PINK1: variants seen among roughly 807,000 people sequenced by gnomAD.
PINK1 encodes serine/threonine-protein kinase PINK1, mitochondrial.
Under a neutral mutation model 56.0 loss-of-function variants are expected in PINK1, and 58 were observed. The observed-to-expected ratio is 1.04, with a 90% CI of 0.84 to 1.29. The LOEUF (loss-of-function observed/expected upper bound fraction) is 1.29, where lower values mean the gene tolerates loss of function less well. Ranked by LOEUF, PINK1 falls within the 50% of genes most tolerant of loss-of-function variation. PINK1 has a pLI of 0.00. For synonymous variants in PINK1, 354 were observed against 339.3 expected (o/e 1.04, Z -0.48); for missense variants, 745 against 777.9 (o/e 0.96, Z 0.50).
chr1:20,643,199 G>A (rs2053135702), intron 3 of PINK1: 1 of 152,300 alleles, frequency 6.6e-6, no homozygotes. Context: ...TGGGTCTCGA[G>A]TGTCACTGTA....
chr1:20,634,815 C>A (rs1223755882), intron 1 of PINK1, among the ~76,000 whole-genome samples: 1 of 152,122 alleles, frequency 6.6e-6, no homozygotes, highest in Non-Finnish European at 1.5e-5. Flanking sequence ...ATTAGCATAG[C>A]CCCTGCATTT....
At position 20,649,220 on chromosome 1, in the gene PINK1, G is replaced by A; in HGVS notation, c.1477G>A (p.Glu493Lys). 1 of 1,614,076 alleles carries A rather than the reference G, an allele frequency of 6.2e-7. No homozygotes were observed. The highest frequency in any genetic ancestry group is 8.5e-7 in the Non-Finnish European group (1 of 1,179,962). The part of the protein sequence containing the change: ...RQLVRALLQR[E>K]ASKRPSARVA... ...GTTGGTGAGGGCACTGCTCCAGCGA[G>A]AGGCCAGCAAGGTGAGGCTGTCCCC... Residue 493 changes from glutamate to lysine, a missense_variant, in exon 7 of 8, where the codon GAG becomes AAG. Physicochemically the swap from Glu to Lys is moderately conservative, Grantham distance 56. Coordinates refer to ENST00000321556, the MANE Select transcript of PINK1 (RefSeq NM_032409.3).
intron 7 of PINK1, 90 bp downstream of exon 7, chr1:20,649,321 A>G (rs192015380): frequency 7.5e-7 from 1 of 1,336,832 alleles, no homozygotes; most frequent in East Asian, 2.3e-5. Context: ...CCAGAGCCAC[A>G]GTGACAGATC....
rs747400197 is a variant in PINK1, at chr1:20,649,095, A to G, written c.1352A>G (p.Asn451Ser). The G allele has an allele frequency of 2.4e-5, 39 of 1,614,104 alleles. No homozygotes were observed. Among genetic ancestry groups the G allele is most frequent in the Admixed American group, 5.0e-5 (3 of 60,014 alleles). The change falls in exon 7 of 8, where the codon AAT (asparagine) becomes AGT (serine). Residue 451 changes from asparagine (N) to serine (S), a missense_variant. Asn to Ser is a conservative substitution (Grantham distance 46). Coordinates refer to ENST00000321556, the MANE Select transcript of PINK1 (RefSeq NM_032409.3). ...GCCTATGAAATCTTCGGGCTTGTCA[A>G]TCCCTTCTACGGCCAGGGCAAGGCC... ...AIAYEIFGLV[N>S]PFYGQGKAHL...
rs144765017 is a variant in PINK1, at chr1:20,638,179, T to C, written c.675+50T>C. ...AAAGGAGATGTTCTCAAAATGCCCA[T>C]CTTAGTGGGCCTGGTGAGGATTTTT... On this transcript the variant is annotated intron_variant, in intron 2 of 7. Transcript: ENST00000321556. 1.2e-3 allele frequency: 1,944 copies of C among 1,584,486 alleles called. 27 individuals are homozygous for C. In the African/African-American group the frequency reaches 0.022, roughly 18 times the overall value.
chr1:20,633,845 A>G lies in PINK1; in HGVS notation c.297A>G (p.Ala99=), dbSNP rs1248695432. Residue 99 remains alanine (A), a synonymous_variant, in exon 1 of 8, where the codon GCA becomes GCG. Transcript: ENST00000321556. ...GCTGCGCGGGCCCTTGCGGCCGGGC[A>G]GTCTTTCTGGCCTTCGGGCTAGGGC... is the stretch of plus-strand genomic sequence containing the variant. ...AWGCAGPCGR[A]VFLAFGLGLG... 5 of 1,578,822 alleles carry G rather than the reference A, an allele frequency of 3.2e-6. No homozygotes were observed. In the African/African-American group the frequency reaches 6.7e-5, roughly 21 times the overall value.
chr1:20,648,687 G>A (rs940470863), intron 6 of PINK1, 55 bp downstream of exon 6: 2 of 1,605,190 alleles, frequency 1.2e-6, no homozygotes, highest in Non-Finnish European at 1.7e-6. Flanking sequence ...CATGTCCACT[G>A]AATGCAGGAG....
At chr1:20,650,316 A>AG (rs2053250065) in intron 7 of PINK1, 118 bp from the exon 8 acceptor site, 2 of 1,332,584 alleles carry the variant, frequency 1.5e-6, no homozygotes, top group African/African-American at 2.9e-5. Context: ...AGTAGGAGAT[A>AG]GGGTAGAGGA....
At chr1:20,640,127 T>C in intron 3 of PINK1, 135 bp downstream of exon 3, 1 of 790,970 alleles carries the variant, frequency 1.3e-6, no homozygotes, top group Admixed American at 2.0e-5. Context: ...TGATGGATTT[T>C]CAGTTAGTGG....
At chr1:20,645,927 C>A (rs929612609) in intron 5 of PINK1, among the ~76,000 whole-genome samples, 1 of 151,928 alleles carries the variant, frequency 6.6e-6, no homozygotes, top group African/African-American at 2.4e-5. Flanking sequence ...TTCCCAAGTT[C>A]CTTTCTCTAG....
rs1005427816 is a variant in PINK1 at position 20,648,886 on chromosome 1, G to C, written c.1252-109G>C. 58 of 1,363,390 alleles carry C rather than the reference G, an allele frequency of 4.3e-5. No individual in the cohort carries two copies. In the African/African-American group the frequency reaches 6.3e-4, roughly 15 times the overall value. 84.5% of individuals were successfully genotyped at this position (1,363,390 alleles called of 1,614,324 possible). A position where few individuals can be genotyped will look rare whatever the true frequency, so the allele number is the denominator to read the frequency against. ...CTGAGCCACAGCTCACTCAAGCTCT[G>C]GGTTCCTTGGGACAGAGTTCAGATT... On this transcript the variant is annotated intron_variant, in intron 6 of 7. Transcript: ENST00000321556.
At position 20,641,049 on chromosome 1, in the gene PINK1, G is replaced by C. The variant is rs1013753082; in HGVS notation, c.776+1057G>C. 2.0e-5 allele frequency among the ~76,000 whole-genome samples: 3 copies of C among 152,040 alleles called. No homozygotes were observed. Among genetic ancestry groups the C allele is most frequent in the Admixed American group, 2.0e-4 (3 of 15,258 alleles). ...AGTGAGACCCTGTCTCTCATTTGTA[G>C]ACCCACCAAGAAGAGGTGGGTCTGC... On this transcript the variant is annotated intron_variant, in intron 3 of 7. Transcript: ENST00000321556. The surrounding 1 kb of genome is among the most constrained non-coding windows in gnomAD (Gnocchi z 4.0).
chr1:20,633,941 CG>C lies in PINK1; in HGVS notation c.387+10del. On this transcript the variant is annotated splice_region_variant and intron_variant, in intron 1 of 7. Transcript: ENST00000321556. ...CGGCCTGTCAGGAGATCCAGGTGAGCGGGGCCGGGTCCTAAGCCGAGCGGAG... is the reference window on the plus strand; with the variant it reads ...CGGCCTGTCAGGAGATCCAGGTGAGCGGGCCGGGTCCTAAGCCGAGCGGAG... The C allele has an allele frequency of 2.2e-6, 3 of 1,359,042 alleles. No individual in the cohort carries two copies. Among genetic ancestry groups the C allele is most frequent in the Non-Finnish European group, 9.7e-7 (1 of 1,032,210 alleles). 84.2% of individuals were successfully genotyped at this position (1,359,042 alleles called of 1,614,324 possible).
chr1:20,643,519 C>T (rs144611614), intron 3 of PINK1, among the ~76,000 whole-genome samples: 1 of 152,356 alleles, frequency 6.6e-6, no homozygotes, highest in African/African-American at 2.4e-5. Context: ...AGTCCTTGCT[C>T]TTAGGGAGCT....
rs567860575 is a variant in PINK1 at position 20,647,616 on chromosome 1, A to G, written c.1124-889A>G. 4.1e-4 allele frequency among the ~76,000 whole-genome samples: 62 copies of G among 151,140 alleles called. 1 individual carries two copies. The highest frequency in any genetic ancestry group is 1.2e-3 in the African/African-American group (48 of 41,146). On this transcript the variant is annotated intron_variant, in intron 5 of 7. Coordinates refer to ENST00000321556, the MANE Select transcript of PINK1 (RefSeq NM_032409.3). ...CTCCTGAGTAGCTGGGATTACAGGC[A>G]CACGCCACTACACCTGGCTGATTTT...
intron 1 of PINK1, among the ~76,000 whole-genome samples, chr1:20,635,909 A>T (rs2320394): frequency 1.3e-5 from 2 of 152,098 alleles, no homozygotes; most frequent in African/African-American, 4.8e-5. Flanking sequence ...ACTCATGCCT[A>T]TAATCCTGGT....
rs183132807 is a variant in PINK1 at position 20,640,718 on chromosome 1, C to T, written c.776+726C>T. On this transcript the variant is annotated intron_variant, in intron 3 of 7. Transcript: ENST00000321556. ...TCACCACAGGTGGTGAGGACTGACGCGCAGGCTATGACAGAGGAGATACTT... is the reference window on the plus strand; with the variant it reads ...TCACCACAGGTGGTGAGGACTGACGTGCAGGCTATGACAGAGGAGATACTT... 2.6e-4 allele frequency among the ~76,000 whole-genome samples: 40 copies of T among 152,214 alleles called. No individual in the cohort carries two copies. In the East Asian group the frequency reaches 4.3e-3, roughly 16 times the overall value.
chr1:20,643,603 T>C (rs1188651544), intron 3 of PINK1, among the ~76,000 whole-genome samples: 8 of 152,228 alleles, frequency 5.3e-5, no homozygotes, highest in African/African-American at 1.9e-4. Flanking sequence ...GACTCTGTCT[T>C]GTTCTGTGCC....
At chr1:20,637,742 T>A (rs544666129) in intron 1 of PINK1, 100 bp from the exon 2 acceptor site, 1 of 1,399,358 alleles carries the variant, frequency 7.1e-7, no homozygotes, top group African/African-American at 1.4e-5. Flanking sequence ...CTGGTCGACG[T>A]GGACCACGCC....
Sources: gnomAD v4.1 joint callset for allele counts (sites outside exome capture counted in the v4.1 genomes callset) on GRCh38, gnomAD v4.1.1 for gene constraint, Gnocchi (gnomAD v3.1) non-coding constraint, MANE v1.5 for transcripts, NCBI Gene and HGNC (gene_info 2026-07-23, HGNC 2026-07-21) for gene names.